LAMA2: variants seen among roughly 807,000 people sequenced by gnomAD.
LAMA2 encodes laminin subunit alpha-2.
Under a neutral mutation model 364.8 loss-of-function variants are expected in LAMA2, and 269 were observed. That is an observed-to-expected ratio of 0.74 (90% CI 0.67 to 0.82). LAMA2 has a LOEUF of 0.82. Among genes scored for constraint, LAMA2 ranks in the 40% least tolerant of loss-of-function variants. LAMA2 has a pLI of 0.00. For synonymous variants in LAMA2, 1,379 were observed against 1,370.6 expected, an observed-to-expected ratio of 1.01 and a Z score of -0.14; for missense variants, 3,807 against 3,873.2, an observed-to-expected ratio of 0.98 and a Z score of 0.45.
chr6:129,394,208 A>C (rs1399325937), intron 37 of LAMA2, among the ~76,000 whole-genome samples: 1 of 152,234 alleles, frequency 6.6e-6, no homozygotes, highest in Non-Finnish European at 1.5e-5. Context: ...TGCTGTTTTC[A>C]AAGTATCTGA....
At chr6:129,481,989 C>A (rs1357043652) in intron 55 of LAMA2, among the ~76,000 whole-genome samples, 1 of 152,088 alleles carries the variant, frequency 6.6e-6, no homozygotes, top group Non-Finnish European at 1.5e-5. Context: ...ATCCCAATAG[C>A]ATTCAAGGAT....
intron 1 of LAMA2, among the ~76,000 whole-genome samples, chr6:128,883,799 T>TAC (rs1412639629): frequency 2.0e-3 from 265 of 135,408 alleles, no homozygotes; most frequent in Non-Finnish European, 2.7e-3. Flanking sequence ...TATATATATA[T>TAC]ATACACACAC....
chr6:129,051,995 G>A (rs7771055), intron 2 of LAMA2, among the ~76,000 whole-genome samples: 71,457 of 117,472 alleles, frequency 0.61, 20,168 homozygotes, highest in East Asian at 0.82. Context: ...GTATATGTAT[G>A]CAGGTATATA....
chr6:129,101,820 A>G (rs1367380238), intron 4 of LAMA2, among the ~76,000 whole-genome samples: 7 of 152,200 alleles, frequency 4.6e-5, no homozygotes, highest in Admixed American at 3.9e-4. Context: ...TCATCAGTTC[A>G]GAAAACTGTT....
chr6:129,360,977 T>A (rs942416933), intron 32 of LAMA2, among the ~76,000 whole-genome samples: 9 of 152,212 alleles, frequency 5.9e-5, no homozygotes, highest in African/African-American at 1.9e-4. Context: ...GCCATCCTGT[T>A]ATCAACAAAC....
At position 129,464,328 on chromosome 6, in the gene LAMA2, A is replaced by T; in HGVS notation, c.7031A>T (p.Asp2344Val). The T allele has an allele frequency of 6.2e-7, 1 of 1,612,168 alleles. No homozygotes were observed. The highest frequency in any genetic ancestry group is 8.5e-7 in the Non-Finnish European group (1 of 1,178,672). Residue 2344 changes from aspartate (D) to valine (V), a missense_variant, in exon 50 of 65, where the codon GAT (aspartate) becomes GTT (valine). Asp to Val is a radical substitution (Grantham distance 152, BLOSUM62 -3). This residue lies in a region of LAMA2 where 3,333 missense variants were observed against 3,345.7 expected (regional missense o/e 1.00). Coordinates refer to ENST00000421865, the MANE Select transcript of LAMA2 (RefSeq NM_000426.4). ...GATAGTGAGGGGACTATTCAATTTG[A>T]TGGAGAAGGTTATGCATTGGTCAGC... is the stretch of plus-strand genomic sequence containing the variant. ...VEDSEGTIQF[D>V]GEGYALVSRP...
chr6:129,208,121 G>A (rs938220875), intron 12 of LAMA2, among the ~76,000 whole-genome samples: 10 of 152,288 alleles, frequency 6.6e-5, no homozygotes, highest in Admixed American at 6.5e-4. Flanking sequence ...CTTAAAATAG[G>A]GGGTGGACAT....
chr6:129,310,190 C>T (rs557047607), intron 22 of LAMA2, among the ~76,000 whole-genome samples: 10 of 152,250 alleles, frequency 6.6e-5, no homozygotes, highest in East Asian at 3.9e-4. Flanking sequence ...TGAGCCACCG[C>T]GCCCGGCCGA....
chr6:128,883,797 TATATACACAC>T (rs945122078), intron 1 of LAMA2, among the ~76,000 whole-genome samples: 2 of 133,712 alleles, frequency 1.5e-5, no homozygotes, highest in African/African-American at 6.4e-5. Flanking sequence ...TATATATATA[TATATACACAC>T]ACACACACAC....
chr6:129,133,855 C>G (rs548074100), intron 4 of LAMA2, among the ~76,000 whole-genome samples: 19 of 152,052 alleles, frequency 1.2e-4, no homozygotes, highest in African/African-American at 3.9e-4. Flanking sequence ...CACACACACA[C>G]AGAGACAATT....
At chr6:129,157,888 C>T (rs1779216308) in intron 8 of LAMA2, 2 of 1,614,208 alleles carry the variant, frequency 1.2e-6, no homozygotes, top group South Asian at 1.1e-5. Context: ...TCGTCCAGCA[C>T]TTCTGGAGCC....
chr6:129,484,181 G>A (rs183971714), intron 55 of LAMA2, among the ~76,000 whole-genome samples: 1 of 152,260 alleles, frequency 6.6e-6, no homozygotes, highest in Non-Finnish European at 1.5e-5. Context: ...TAATCTACAG[G>A]GAATACAGTC....
intron 2 of LAMA2, among the ~76,000 whole-genome samples, chr6:129,056,896 TA>T (rs1422502123): frequency 1.3e-4 from 4 of 30,182 alleles, no homozygotes; most frequent in East Asian, 1.4e-3. Context: ...ATGCCTGTGC[TA>T]TTTTTTTTTT....
At chr6:129,078,838 C>T (rs780566349) in intron 3 of LAMA2, among the ~76,000 whole-genome samples, 2 of 152,152 alleles carry the variant, frequency 1.3e-5, no homozygotes, top group Non-Finnish European at 2.9e-5. Flanking sequence ...ATTCTACCTT[C>T]TGTCTCTATA....
At chr6:129,418,256 C>A (rs1780900494) in intron 40 of LAMA2, among the ~76,000 whole-genome samples, 1 of 152,046 alleles carries the variant, frequency 6.6e-6, no homozygotes, top group African/African-American at 2.4e-5. Flanking sequence ...GATCCCCTCT[C>A]CCCAGGGAGC....
chr6:129,129,944 T>C (rs199742212), intron 4 of LAMA2, among the ~76,000 whole-genome samples: 5 of 132,632 alleles, frequency 3.8e-5, no homozygotes, highest in African/African-American at 1.4e-4. Context: ...AAAAAAAAAA[T>C]AACATATTTT....
At chr6:129,384,912 A>G (rs1348748484) in intron 35 of LAMA2, among the ~76,000 whole-genome samples, 2 of 151,718 alleles carry the variant, frequency 1.3e-5, no homozygotes, top group African/African-American at 2.4e-5. Context: ...TTTTGCCTGC[A>G]GGCACTATTT....
At chr6:129,514,693 G>A (rs557607756) in intron 64 of LAMA2, 98 bp downstream of exon 64, 4 of 954,288 alleles carry the variant, frequency 4.2e-6, no homozygotes, top group South Asian at 4.1e-5. Context: ...GTGTGCTTAT[G>A]TGTACTTGCT....
chr6:129,308,049 C>T (rs1310864060), intron 22 of LAMA2, among the ~76,000 whole-genome samples: 2 of 152,168 alleles, frequency 1.3e-5, no homozygotes, highest in Non-Finnish European at 2.9e-5. Context: ...ATATGCTGAC[C>T]TAGAGGAAAA....
Sources: gnomAD v4.1 joint callset for allele counts (sites outside exome capture counted in the v4.1 genomes callset) on GRCh38, gnomAD v4.1.1 for gene constraint, gnomAD v4.1.1 regional missense constraint, MANE v1.5 for transcripts, NCBI Gene and HGNC (gene_info 2026-07-23, HGNC 2026-07-21) for gene names.